Variants in ZNF510 observed in about 807,000 individuals in gnomAD.
ZNF510 encodes zinc finger protein 510.
In ZNF510, 15 loss-of-function variants were observed where a neutral mutation model predicts 18.1. The ratio of observed to expected loss-of-function variants is 0.83; its 90% CI spans 0.55 to 1.28. The LOEUF (loss-of-function observed/expected upper bound fraction) is 1.28. ZNF510 is among the 50% of genes most tolerant of loss of function. ZNF510 has a pLI of 0.00. For missense variants in ZNF510, 724 were observed against 791.8 expected (o/e 0.91, Z 1.03); for synonymous variants, 261 against 266.4 (o/e 0.98, Z 0.20).
At chr9:96,761,669 C>T (rs1434277213) in intron 5 of ZNF510, among the ~76,000 whole-genome samples, 1 of 152,112 alleles carries the variant, frequency 6.6e-6, no homozygotes, top group Admixed American at 6.5e-5. Context: ...GTTTTATCAA[C>T]AATATATGAA....
Position 96,768,674 on chromosome 9 carries a change from T to G in ZNF510, c.130-5042A>C, listed in dbSNP as rs543752970. ...CTTATACGTGAACACTAGAAAACAC[T>G]GCTAGAAGAAATCAGAGGACCCAAA... On this transcript the variant is annotated intron_variant, in intron 3 of 5. Coordinates refer to ENST00000223428, the MANE Select transcript of ZNF510 (RefSeq NM_014930.3). 3.9e-5 allele frequency among the ~76,000 whole-genome samples: 6 copies of G among 152,266 alleles called. No individual in the cohort carries two copies. The South Asian group carries it at 1.0e-3, about 26-fold the overall frequency.
At chr9:96,772,847 T>C (rs545385796) in intron 3 of ZNF510, among the ~76,000 whole-genome samples, 1 of 152,332 alleles carries the variant, frequency 6.6e-6, no homozygotes, top group South Asian at 2.1e-4. Context: ...GTTTATTCTA[T>C]GAACCAGCAA....
At chr9:96,773,281 G>T (rs1281312837) in intron 3 of ZNF510, among the ~76,000 whole-genome samples, 1 of 152,096 alleles carries the variant, frequency 6.6e-6, no homozygotes, top group Admixed American at 6.5e-5. Flanking sequence ...CACTTTACTG[G>T]TATTAAAACT....
At chr9:96,763,307 G>A (rs1849398490) in intron 4 of ZNF510, 94 bp from the exon 5 acceptor site, 5 of 1,398,864 alleles carry the variant, frequency 3.6e-6, no homozygotes, top group South Asian at 1.2e-5. Flanking sequence ...GCAGTATCCT[G>A]AAAGTGCTCC....
At chr9:96,766,426 CATTT>C (rs528102372) in intron 3 of ZNF510, among the ~76,000 whole-genome samples, 2,081 of 149,034 alleles carry the variant, frequency 0.014, 15 homozygotes, top group Non-Finnish European at 0.019. Flanking sequence ...CAGCCACATT[CATTT>C]GTTTATGTAT....
In ZNF510 at chr9:96,776,216, G is replaced by T; in HGVS notation, c.-147C>A. On this transcript the variant is annotated 5_prime_UTR_variant, in exon 2 of 6. Coordinates refer to ENST00000223428, the MANE Select transcript of ZNF510 (RefSeq NM_014930.3). Reference sequence around the variant, plus strand: ...TTCTGTCAGAGAGCAGTTCTTCGGTGGGACTCCTGTTCCTGGGGCTCCCTC... The same window carrying T: ...TTCTGTCAGAGAGCAGTTCTTCGGTTGGACTCCTGTTCCTGGGGCTCCCTC... The T allele has an allele frequency of 1.5e-6, 2 of 1,356,742 alleles. No individual in the cohort carries two copies. Among genetic ancestry groups the T allele is most frequent in the Non-Finnish European group, 1.9e-6 (2 of 1,045,104 alleles). 84.0% of individuals were successfully genotyped at this position (1,356,742 alleles called of 1,614,324 possible).
chr9:96,759,451 T>C lies in ZNF510; in HGVS notation c.1379A>G (p.Tyr460Cys). The C allele has an allele frequency of 6.2e-7, 1 of 1,614,110 alleles. No individual in the cohort carries two copies. The highest frequency in any genetic ancestry group is 8.5e-7 in the Non-Finnish European group (1 of 1,179,990). ...HQRIHTAEKP[Y>C]KCNECGKTFV... ...TGTTTTTCCACATTCATTACATTTATAGGGTTTTTCTGCTGTATGAATTCT... is the reference window on the plus strand; with the variant it reads ...TGTTTTTCCACATTCATTACATTTACAGGGTTTTTCTGCTGTATGAATTCT... The change falls in exon 6 of 6, where the codon TAT becomes TGT. Residue 460 changes from tyrosine (Y) to cysteine (C), a missense_variant. Tyr to Cys is a radical substitution (Grantham distance 194). Coordinates refer to ENST00000223428, the MANE Select transcript of ZNF510 (RefSeq NM_014930.3).
chr9:96,768,009 C>T (rs1281903552), intron 3 of ZNF510, among the ~76,000 whole-genome samples: 1 of 152,232 alleles, frequency 6.6e-6, no homozygotes, highest in African/African-American at 2.4e-5. Context: ...ATAAAAAGTA[C>T]TATATACCAT....
At chr9:96,760,556 T>A in intron 5 of ZNF510, 79 bp from the exon 6 acceptor site, 4 of 1,264,460 alleles carry the variant, frequency 3.2e-6, no homozygotes, top group Non-Finnish European at 4.3e-6. Flanking sequence ...CAGCCTATGT[T>A]GCACCTAATT....
chr9:96,758,571 T>C lies in ZNF510; in HGVS notation c.*207A>G, dbSNP rs1371592028. ...AAAACAGAAGCCTGTCTGAATTCTT[T>C]GATACACTCTGAAGGTTGCATTTTG... On this transcript the variant is annotated 3_prime_UTR_variant, in exon 6 of 6. Coordinates refer to ENST00000223428, the MANE Select transcript of ZNF510 (RefSeq NM_014930.3). The C allele has an allele frequency of 7.3e-6, 4 of 546,092 alleles. No homozygotes were observed. Among genetic ancestry groups the C allele is most frequent in the Non-Finnish European group, 1.3e-5 (4 of 319,288 alleles). The allele number at this position is 546,092 out of a possible 1,614,324, so 33.8% of individuals were successfully genotyped here.
intron 5 of ZNF510, among the ~76,000 whole-genome samples, chr9:96,761,774 A>C (rs1849353270): frequency 6.6e-6 from 1 of 152,172 alleles, no homozygotes; most frequent in Middle Eastern, 3.2e-3. Flanking sequence ...TTATGTTTGT[A>C]ATCAGTGTAC....
chr9:96,773,045 A>ATATT (rs1489547568), intron 3 of ZNF510, among the ~76,000 whole-genome samples: 1 of 152,262 alleles, frequency 6.6e-6, no homozygotes, highest in Non-Finnish European at 1.5e-5. Context: ...TAAAAGGGAA[A>ATATT]TATTAAGATA....
At position 96,759,055 on chromosome 9, in the gene ZNF510, C is replaced by A; in HGVS notation, c.1775G>T (p.Arg592Ile). The change falls in exon 6 of 6, where the codon AGA becomes ATA. Residue 592 changes from arginine to isoleucine, a missense_variant. Transcript: ENST00000223428. The part of the protein sequence containing the change: ...ARTSTLRVHQ[R>I]IHTGEKPFKC... ...AAATGGTTTCTCCCCAGTGTGAATTCTTTGATGCACTCTGAGGGTTGATGT... is the reference window on the plus strand; with the variant it reads ...AAATGGTTTCTCCCCAGTGTGAATTATTTGATGCACTCTGAGGGTTGATGT... 1.2e-6 allele frequency: 2 copies of A among 1,614,040 alleles called. No homozygotes were observed. Among genetic ancestry groups the A allele is most frequent in the Non-Finnish European group, 8.5e-7 (1 of 1,179,978 alleles).
chr9:96,760,410 T>C lies in ZNF510; in HGVS notation c.420A>G (p.Ala140=). 6.2e-7 allele frequency: 1 copy of C among 1,613,494 alleles called. No homozygotes were observed. Among genetic ancestry groups the C allele is most frequent in the Non-Finnish European group, 8.5e-7 (1 of 1,179,754 alleles). ...TCAATGTTTTATTATTGATACATAT[T>C]GCTTGCTCCAAGTGTTTGTCTTTGA... ...KKIKDKHLEQ[A]ICINNKTLTT... is the part of the protein sequence containing the mutation. The change falls in exon 6 of 6, where the codon GCA becomes GCG. Residue 140 remains alanine (A), a synonymous_variant. Transcript: ENST00000223428.
chr9:96,767,281 T>C (rs1849493885), intron 3 of ZNF510, among the ~76,000 whole-genome samples: 2 of 152,218 alleles, frequency 1.3e-5, no homozygotes, highest in African/African-American at 4.8e-5. Context: ...TGAGCTGATA[T>C]CGTGCCACTA....
At chr9:96,773,938 T>C (rs1157583543) in intron 3 of ZNF510, among the ~76,000 whole-genome samples, 3 of 152,220 alleles carry the variant, frequency 2.0e-5, no homozygotes, top group African/African-American at 7.2e-5. Context: ...CTCAGACTTC[T>C]GGTCTCCAGA....
chr9:96,760,959 G>A (rs1588126408), intron 5 of ZNF510, among the ~76,000 whole-genome samples: 1 of 151,946 alleles, frequency 6.6e-6, no homozygotes, highest in Non-Finnish European at 1.5e-5. Flanking sequence ...GATTATAATG[G>A]TTAGAATAGT....
intron 3 of ZNF510, among the ~76,000 whole-genome samples, chr9:96,764,880 C>G (rs746508815): frequency 6.6e-6 from 1 of 151,924 alleles, no homozygotes; most frequent in South Asian, 2.1e-4. Flanking sequence ...TTTGGGAGGC[C>G]GAGGCAGGCG....
At position 96,760,255 on chromosome 9, in the gene ZNF510, T is replaced by A; in HGVS notation, c.575A>T (p.Asn192Ile). The A allele has an allele frequency of 6.2e-7, 1 of 1,612,832 alleles. No homozygotes were observed. Among genetic ancestry groups the A allele is most frequent in the East Asian group, 2.2e-5 (1 of 44,852 alleles). Residue 192 changes from asparagine (N) to isoleucine (I), a missense_variant, in exon 6 of 6, where the codon AAT (asparagine) becomes ATT (isoleucine). Transcript: ENST00000223428. The stretch of plus-strand genomic sequence containing the variant: ...TTTCTTTGTTGAATAGTTTCTATTA[T>A]TAATGATAAATTCAGAAATACTTTG... ...NLQSISEFII[N>I]NRNYSTKKIG...
Sources: gnomAD v4.1 joint callset for allele counts (sites outside exome capture counted in the v4.1 genomes callset) on GRCh38, gnomAD v4.1.1 for gene constraint, MANE v1.5 for transcripts, NCBI Gene and HGNC (gene_info 2026-07-23, HGNC 2026-07-21) for gene names.